CACNA2D3: variants seen among roughly 807,000 people sequenced by gnomAD.
CACNA2D3 encodes voltage-dependent calcium channel subunit alpha-2/delta-3.
A neutral mutation model predicts 160.6 loss-of-function variants in CACNA2D3; 60 were observed. That is an observed-to-expected ratio of 0.37 (90% CI 0.30 to 0.46). The LOEUF (loss-of-function observed/expected upper bound fraction) is 0.46, where lower values mean the gene tolerates loss of function less well. Ranked by LOEUF, CACNA2D3 falls within the 20% of genes least tolerant of loss-of-function variation. The probability of loss-of-function intolerance (pLI) is 1.00; values close to 1 mark genes in which losing one functional copy is unlikely to be tolerated. For missense variants in CACNA2D3, 1,205 were observed against 1,365.0 expected (o/e 0.88, Z 1.85); for synonymous variants, 558 against 492.9 (o/e 1.13, Z -1.75).
intron 4 of CACNA2D3, among the ~76,000 whole-genome samples, chr3:54,405,419 C>G (rs556342502): frequency 2.6e-5 from 4 of 151,850 alleles, no homozygotes; most frequent in African/African-American, 9.7e-5. Context: ...TAAATCCAAA[C>G]ATATGTGGTC....
chr3:54,803,286 A>C (rs1315963375), intron 13 of CACNA2D3, among the ~76,000 whole-genome samples: 1 of 152,198 alleles, frequency 6.6e-6, no homozygotes, highest in Non-Finnish European at 1.5e-5. Flanking sequence ...AATTCAAACC[A>C]AAGGCAAAGA....
chr3:54,823,129 C>T (rs1364606361), intron 14 of CACNA2D3, among the ~76,000 whole-genome samples: 1 of 151,778 alleles, frequency 6.6e-6, no homozygotes, highest in Non-Finnish European at 1.5e-5. Flanking sequence ...TGCTGGGATT[C>T]CAGGTATGAG....
At chr3:54,191,976 G>A (rs958297868) in intron 2 of CACNA2D3, among the ~76,000 whole-genome samples, 6 of 152,148 alleles carry the variant, frequency 3.9e-5, no homozygotes, top group South Asian at 2.1e-4. Flanking sequence ...GCATTGAGGC[G>A]GTTTGTTTGG....
chr3:54,212,932 G>A (rs937840041), intron 2 of CACNA2D3, among the ~76,000 whole-genome samples: 19 of 152,198 alleles, frequency 1.2e-4, no homozygotes, highest in African/African-American at 2.2e-4. Flanking sequence ...GGAATGTGGC[G>A]AGCACATTCC....
chr3:54,428,764 A>G (rs182856427), intron 4 of CACNA2D3, among the ~76,000 whole-genome samples: 66 of 152,284 alleles, frequency 4.3e-4, no homozygotes, highest in African/African-American at 1.5e-3. Context: ...CTTTCTTCCA[A>G]TATTTTTGTG....
At chr3:54,871,043 T>TACACACACAC (rs58370850) in intron 17 of CACNA2D3, among the ~76,000 whole-genome samples, 26 of 142,950 alleles carry the variant, frequency 1.8e-4, no homozygotes, top group African/African-American at 6.9e-4. Context: ...AGCTTTGGGA[T>TACACACACAC]ACACACACAC....
chr3:54,681,483 G>A lies in CACNA2D3; in HGVS notation c.1167+39242G>A, dbSNP rs1451180890. ...AGCCAAGAAAATCGCTCAAACCCAG[G>A]AGGCGGAGGTTGTAGTGGGCCAAGA... is the stretch of plus-strand genomic sequence containing the variant. On this transcript the variant is annotated intron_variant, in intron 11 of 37. Transcript: ENST00000474759. Among the ~76,000 whole-genome samples, 5 of 148,678 alleles carry A rather than the reference G, an allele frequency of 3.4e-5. No individual in the cohort carries two copies. In the East Asian group the frequency reaches 9.8e-4, roughly 29 times the overall value.
chr3:54,885,433 A>G, intron 22 of CACNA2D3, 56 bp from the exon 23 acceptor site: 1 of 1,598,252 alleles, frequency 6.3e-7, no homozygotes, highest in Non-Finnish European at 8.6e-7. Flanking sequence ...AAGGCAAAGG[A>G]AGCAGATGCT....
chr3:54,538,416 G>A lies in CACNA2D3; in HGVS notation c.545-24384G>A, dbSNP rs1701921521. On this transcript the variant is annotated intron_variant, in intron 5 of 37. Coordinates refer to ENST00000474759, the MANE Select transcript of CACNA2D3 (RefSeq NM_018398.3). ...CCCCCTCCTCCAGCGTCCCTTGGGG[G>A]AGTCCTCATCCGTTCATGAAGGAAG... Among the ~76,000 whole-genome samples the A allele has an allele frequency of 2.6e-5, 4 of 152,096 alleles. No homozygotes were observed. In the South Asian group the frequency reaches 8.3e-4, roughly 32 times the overall value.
intron 5 of CACNA2D3, among the ~76,000 whole-genome samples, chr3:54,549,756 A>G (rs149022680): frequency 2.0e-4 from 31 of 152,306 alleles, no homozygotes; most frequent in Admixed American, 6.5e-4. Flanking sequence ...CTTGGCAATT[A>G]TATTTCAGAC....
At chr3:54,289,463 G>A (rs1198013729) in intron 2 of CACNA2D3, among the ~76,000 whole-genome samples, 3 of 151,994 alleles carry the variant, frequency 2.0e-5, no homozygotes, top group Non-Finnish European at 2.9e-5. Context: ...AATCAATATC[G>A]TGAAAATGGC....
chr3:54,530,960 A>G (rs1701797091), intron 5 of CACNA2D3, among the ~76,000 whole-genome samples: 2 of 152,136 alleles, frequency 1.3e-5, no homozygotes, highest in South Asian at 4.1e-4. Flanking sequence ...CAGGCCAGAG[A>G]ATACTTTCCT....
At chr3:54,719,163 CT>C (rs527632302) in intron 11 of CACNA2D3, among the ~76,000 whole-genome samples, 4,542 of 132,662 alleles carry the variant, frequency 0.034, 94 homozygotes, top group African/African-American at 0.085. Flanking sequence ...CACTGGATTT[CT>C]TTTTTTTTTT....
intron 11 of CACNA2D3, among the ~76,000 whole-genome samples, chr3:54,724,160 A>G (rs1194098913): frequency 6.6e-6 from 1 of 152,262 alleles, no homozygotes; most frequent in Non-Finnish European, 1.5e-5. Context: ...AAAGATTGAA[A>G]GAGACAAAGA....
intron 35 of CACNA2D3, among the ~76,000 whole-genome samples, chr3:55,028,443 A>C (rs1703611612): frequency 6.6e-6 from 1 of 152,214 alleles, no homozygotes; most frequent in African/African-American, 2.4e-5. Flanking sequence ...TTATTCAAAC[A>C]GCAATCGAAA....
At chr3:54,617,507 T>C (rs1257982979) in intron 9 of CACNA2D3, among the ~76,000 whole-genome samples, 1 of 152,226 alleles carries the variant, frequency 6.6e-6, no homozygotes, top group Admixed American at 6.5e-5. Flanking sequence ...TAAGTTGGCC[T>C]GATCAGAGTA....
At chr3:54,711,098 G>A (rs915228231) in intron 11 of CACNA2D3, among the ~76,000 whole-genome samples, 1 of 152,134 alleles carries the variant, frequency 6.6e-6, no homozygotes, top group Non-Finnish European at 1.5e-5. Flanking sequence ...CTCACAGAGG[G>A]CTGAACTCTT....
Position 54,256,868 on chromosome 3 carries a change from T to C in CACNA2D3, c.205-63574T>C, listed in dbSNP as rs148348220. On this transcript the variant is annotated intron_variant, in intron 2 of 37. Coordinates refer to ENST00000474759, the MANE Select transcript of CACNA2D3 (RefSeq NM_018398.3). Reference sequence around the variant, plus strand: ...TCTGTAGAAAAAAATAAGGAGCCTCTCTGATTAACAGGATACAATAGAAGT... The same window carrying C: ...TCTGTAGAAAAAAATAAGGAGCCTCCCTGATTAACAGGATACAATAGAAGT... Among the ~76,000 whole-genome samples the C allele has an allele frequency of 5.6e-4, 85 of 152,172 alleles. 1 individual carries two copies. Among genetic ancestry groups the C allele is most frequent in the Middle Eastern group, 6.9e-3 (2 of 288 alleles).
At chr3:54,852,551 A>G (rs889476638) in intron 17 of CACNA2D3, among the ~76,000 whole-genome samples, 2 of 152,172 alleles carry the variant, frequency 1.3e-5, no homozygotes, top group East Asian at 3.9e-4. Flanking sequence ...GGGTTCCAGG[A>G]TGGCACTCGC....
Sources: gnomAD v4.1 joint callset for allele counts (sites outside exome capture counted in the v4.1 genomes callset) on GRCh38, gnomAD v4.1.1 for gene constraint, MANE v1.5 for transcripts, NCBI Gene and HGNC (gene_info 2026-07-23, HGNC 2026-07-21) for gene names.